The following TMPRSS11D variants were observed in gnomAD, a reference collection of about 807,000 sequenced individuals.
The protein encoded by TMPRSS11D is transmembrane protease serine 11D.
A neutral mutation model predicts 44.4 loss-of-function variants in TMPRSS11D; 32 were observed. The observed-to-expected ratio is 0.72, with a 90% confidence interval of 0.54 to 0.97. The LOEUF (loss-of-function observed/expected upper bound fraction) is 0.97. TMPRSS11D is among the 50% of genes least tolerant of loss of function. The probability of loss-of-function intolerance (pLI) is 0.00; values close to 1 mark genes in which losing one functional copy is unlikely to be tolerated. For missense variants in TMPRSS11D, 446 were observed against 502.6 expected (o/e 0.89, Z 1.08); for synonymous variants, 179 against 177.9 (o/e 1.01, Z -0.05).
chr4:67,841,230 G>T (rs1718221845), intron 4 of TMPRSS11D, among the ~76,000 whole-genome samples: 2 of 152,106 alleles, frequency 1.3e-5, no homozygotes, highest in Non-Finnish European at 2.9e-5. Context: ...TGGCAGTGAA[G>T]GCCAAGGAAA....
rs764797826 is a variant in TMPRSS11D at position 67,825,707 on chromosome 4, A to C, written c.1095+25T>G. On this transcript the variant is annotated intron_variant, in intron 9 of 9. Transcript: ENST00000283916. ...GCTTATACACTTCTTGGATGATGACATGGATGAGATTGTCTTGAGCTTACC... is the reference window on the plus strand; with the variant it reads ...GCTTATACACTTCTTGGATGATGACCTGGATGAGATTGTCTTGAGCTTACC... The C allele has an allele frequency of 3.1e-6, 5 of 1,610,962 alleles. No individual in the cohort carries two copies. In the Admixed American group the frequency reaches 8.4e-5, roughly 27 times the overall value.
intron 1 of TMPRSS11D, among the ~76,000 whole-genome samples, chr4:67,878,495 T>G (rs1346109496): frequency 6.6e-6 from 1 of 152,224 alleles, no homozygotes; most frequent in Non-Finnish European, 1.5e-5. Context: ...TCTAATGTAT[T>G]TTAGTGTCTG....
intron 2 of TMPRSS11D, among the ~76,000 whole-genome samples, chr4:67,855,005 C>T (rs1718599248): frequency 1.1e-5 from 1 of 92,742 alleles, no homozygotes; most frequent in Non-Finnish European, 2.4e-5. Context: ...GCCTGTAATC[C>T]CAGCACTTTG....
At chr4:67,881,617 T>A (rs572537771) in intron 1 of TMPRSS11D, among the ~76,000 whole-genome samples, 2 of 152,292 alleles carry the variant, frequency 1.3e-5, no homozygotes, top group East Asian at 3.9e-4. Context: ...TGAGTTCCTA[T>A]AGCAGTTCAA....
intron 7 of TMPRSS11D, among the ~76,000 whole-genome samples, chr4:67,828,248 G>A (rs1391916270): frequency 6.6e-6 from 1 of 152,024 alleles, no homozygotes; most frequent in South Asian, 2.1e-4. Flanking sequence ...TCTTATCAAA[G>A]CAACATGAAT....
chr4:67,832,366 C>T (rs1466750916), intron 7 of TMPRSS11D, among the ~76,000 whole-genome samples: 1 of 152,052 alleles, frequency 6.6e-6, no homozygotes, highest in Admixed American at 6.6e-5. Flanking sequence ...GCCCCAGTAA[C>T]AAGGCAGGTT....
chr4:67,883,830 A>T, intron 1 of TMPRSS11D, 96 bp downstream of exon 1: 1 of 958,140 alleles, frequency 1.0e-6, no homozygotes, highest in Non-Finnish European at 1.6e-6. Context: ...GAAGATTGCT[A>T]GACACAGTCA....
At chr4:67,837,646 A>T (rs1324118198) in intron 5 of TMPRSS11D, among the ~76,000 whole-genome samples, 1 of 152,124 alleles carries the variant, frequency 6.6e-6, no homozygotes, top group Non-Finnish European at 1.5e-5. Context: ...TTTATTGAAT[A>T]TGTGTTATAT....
intron 1 of TMPRSS11D, among the ~76,000 whole-genome samples, chr4:67,863,758 C>A (rs1370557210): frequency 6.6e-6 from 1 of 151,974 alleles, no homozygotes; most frequent in African/African-American, 2.4e-5. Flanking sequence ...AAAGACAATA[C>A]CTTCCTCATA....
intron 4 of TMPRSS11D, among the ~76,000 whole-genome samples, chr4:67,839,319 A>G (rs1718176967): frequency 2.0e-5 from 3 of 152,106 alleles, no homozygotes; most frequent in Admixed American, 6.6e-5. Context: ...AATAATTACA[A>G]CTTCCATGTC....
intron 4 of TMPRSS11D, among the ~76,000 whole-genome samples, chr4:67,842,007 A>T (rs1396962841): frequency 2.6e-5 from 4 of 152,230 alleles, no homozygotes; most frequent in Non-Finnish European, 2.9e-5. Flanking sequence ...GGCTGGTTTT[A>T]TCACATCATA....
Position 67,822,291 on chromosome 4 carries a change from A to G in TMPRSS11D, c.*46T>C. ...AATGTAAAGCTTTGGAATTTAAGAC[A>G]GGCACACCTGCATACAGACTTTGCA... On this transcript the variant is annotated 3_prime_UTR_variant, in exon 10 of 10. Transcript: ENST00000283916. 6.3e-7 allele frequency: 1 copy of G among 1,582,238 alleles called. No individual in the cohort carries two copies. Among genetic ancestry groups the G allele is most frequent in the Non-Finnish European group, 8.6e-7 (1 of 1,157,830 alleles).
chr4:67,825,957 T>G (rs938175332), intron 8 of TMPRSS11D, 83 bp from the exon 9 acceptor site: 4 of 1,379,148 alleles, frequency 2.9e-6, no homozygotes, highest in Admixed American at 4.5e-5. Flanking sequence ...AAGAAATAAA[T>G]GTACTCCAAA....
intron 3 of TMPRSS11D, among the ~76,000 whole-genome samples, chr4:67,849,375 G>A (rs541157227): frequency 9.9e-5 from 15 of 152,144 alleles, no homozygotes; most frequent in South Asian, 2.1e-4. Flanking sequence ...AATCATTGGC[G>A]TATAAATACA....
intron 2 of TMPRSS11D, among the ~76,000 whole-genome samples, chr4:67,859,179 CT>C (rs1342176499): frequency 6.6e-6 from 1 of 151,956 alleles, no homozygotes; most frequent in Non-Finnish European, 1.5e-5. Context: ...AAATATTTCA[CT>C]GTTATGATTT....
intron 3 of TMPRSS11D, among the ~76,000 whole-genome samples, chr4:67,844,483 AAAAAGTC>A (rs1480490449): frequency 6.6e-6 from 1 of 152,156 alleles, no homozygotes; most frequent in Non-Finnish European, 1.5e-5. Flanking sequence ...AGAAGAAAGC[AAAAAGTC>A]AGGCCAGGCA....
chr4:67,878,749 C>A (rs1336583203), intron 1 of TMPRSS11D, among the ~76,000 whole-genome samples: 1 of 152,060 alleles, frequency 6.6e-6, no homozygotes, highest in Non-Finnish European at 1.5e-5. Context: ...CATGGTGAAA[C>A]CCCGTCTCTA....
intron 1 of TMPRSS11D, among the ~76,000 whole-genome samples, chr4:67,879,577 A>T (rs1461191378): frequency 6.6e-6 from 1 of 152,062 alleles, no homozygotes; most frequent in African/African-American, 2.4e-5. Flanking sequence ...TAAGCAAAAA[A>T]CCAGGAAAGA....
At chr4:67,856,743 G>C (rs892147548) in intron 2 of TMPRSS11D, among the ~76,000 whole-genome samples, 3 of 152,048 alleles carry the variant, frequency 2.0e-5, no homozygotes, top group Admixed American at 6.6e-5. Context: ...TCTGACAAGA[G>C]ACTAATATCC....
Sources: gnomAD v4.1 joint callset for allele counts (sites outside exome capture counted in the v4.1 genomes callset) on GRCh38, gnomAD v4.1.1 for gene constraint, MANE v1.5 for transcripts, NCBI Gene and HGNC (gene_info 2026-07-23, HGNC 2026-07-21) for gene names.